Variants in SGIP1 observed in about 807,000 individuals in gnomAD.
The protein encoded by SGIP1 is SH3-containing GRB2-like protein 3-interacting protein 1.
A neutral mutation model predicts 107.5 loss-of-function variants in SGIP1; 38 were observed. That is an observed-to-expected ratio of 0.35 (90% CI 0.27 to 0.46). The LOEUF (loss-of-function observed/expected upper bound fraction) is 0.46. Among genes scored for constraint, SGIP1 ranks in the 20% least tolerant of loss-of-function variants. The probability of loss-of-function intolerance (pLI) is 1.00; values close to 1 mark genes in which losing one functional copy is unlikely to be tolerated. For synonymous variants in SGIP1, 365 were observed against 366.1 expected (o/e 1.00, Z 0.03); for missense variants, 929 against 1,019.5 (o/e 0.91, Z 1.21).
At chr1:66,537,324 C>A (rs1461057021) in intron 1 of SGIP1, among the ~76,000 whole-genome samples, 3 of 152,058 alleles carry the variant, frequency 2.0e-5, no homozygotes, top group Non-Finnish European at 4.4e-5. Flanking sequence ...AGATGATGAG[C>A]AAAGGGAATT....
intron 1 of SGIP1, among the ~76,000 whole-genome samples, chr1:66,589,767 G>A (rs988858310): frequency 2.0e-5 from 3 of 152,114 alleles, no homozygotes; most frequent in South Asian, 2.1e-4. Flanking sequence ...TCGTGGAAAT[G>A]TCTAGCTATT....
chr1:66,630,662 T>C (rs960075574), intron 2 of SGIP1, among the ~76,000 whole-genome samples: 1 of 150,368 alleles, frequency 6.7e-6, no homozygotes, highest in Non-Finnish European at 1.5e-5. Context: ...CAAAATTAGC[T>C]GGGCGTGGTG....
intron 9 of SGIP1, among the ~76,000 whole-genome samples, chr1:66,669,609 G>T (rs765260189): frequency 6.6e-6 from 1 of 152,092 alleles, no homozygotes; most frequent in Admixed American, 6.6e-5. Context: ...TTCCAAAAGC[G>T]AACCTGTATC....
At chr1:66,593,809 G>A (rs553969933) in intron 1 of SGIP1, among the ~76,000 whole-genome samples, 7 of 152,058 alleles carry the variant, frequency 4.6e-5, no homozygotes, top group South Asian at 2.1e-4. Flanking sequence ...GGCCCATTTC[G>A]GGTCCTCATT....
At chr1:66,717,265 A>G (rs2093300053) in intron 18 of SGIP1, among the ~76,000 whole-genome samples, 1 of 152,184 alleles carries the variant, frequency 6.6e-6, no homozygotes, top group Non-Finnish European at 1.5e-5. Flanking sequence ...TAGAGAAGCC[A>G]TTCTTCTCCA....
At chr1:66,691,004 T>TC (rs2089711360) in intron 17 of SGIP1, among the ~76,000 whole-genome samples, 1 of 152,188 alleles carries the variant, frequency 6.6e-6, no homozygotes, top group African/African-American at 2.4e-5. Flanking sequence ...TGGAGCATCA[T>TC]CCCCCTTTCC....
At chr1:66,635,330 C>T (rs2075570362) in intron 3 of SGIP1, among the ~76,000 whole-genome samples, 1 of 152,230 alleles carries the variant, frequency 6.6e-6, no homozygotes, top group Non-Finnish European at 1.5e-5. Flanking sequence ...GCATCCTAAC[C>T]TAGACACAAA....
chr1:66,588,365 T>A (rs1217171198), intron 1 of SGIP1, among the ~76,000 whole-genome samples: 1 of 149,408 alleles, frequency 6.7e-6, no homozygotes, highest in African/African-American at 2.5e-5. Flanking sequence ...TCCTTCAGCA[T>A]CTCTACCTGC....
At chr1:66,739,802 C>G (rs2094388151) in intron 22 of SGIP1, among the ~76,000 whole-genome samples, 1 of 152,230 alleles carries the variant, frequency 6.6e-6, no homozygotes, top group Non-Finnish European at 1.5e-5. Flanking sequence ...TGGCCTGCCA[C>G]AATCCCGGGA....
intron 1 of SGIP1, among the ~76,000 whole-genome samples, chr1:66,562,307 G>A (rs1465175254): frequency 6.6e-6 from 1 of 151,946 alleles, no homozygotes; most frequent in Non-Finnish European, 1.5e-5. Context: ...ATAGATATTA[G>A]AGGAAATTTT....
At chr1:66,540,716 A>G (rs10789208) in intron 1 of SGIP1, among the ~76,000 whole-genome samples, 38,614 of 152,098 alleles carry the variant, frequency 0.25, 5,511 homozygotes, top group African/African-American at 0.38. Flanking sequence ...TCAATGTGTT[A>G]GCTGATTTTA....
chr1:66,701,263 A>G (rs1027306641), intron 18 of SGIP1, among the ~76,000 whole-genome samples: 1 of 152,208 alleles, frequency 6.6e-6, no homozygotes, highest in Non-Finnish European at 1.5e-5. Flanking sequence ...AGCAATGGCT[A>G]TGCTAAATTC....
intron 21 of SGIP1, among the ~76,000 whole-genome samples, 185 bp from the exon 22 acceptor site, chr1:66,739,150 T>C (rs2094363062): frequency 6.6e-6 from 1 of 152,108 alleles, no homozygotes; most frequent in South Asian, 2.1e-4. Flanking sequence ...GAGACTCTAA[T>C]AGCTGCTTTC....
intron 19 of SGIP1, among the ~76,000 whole-genome samples, chr1:66,725,150 C>A (rs927800547): frequency 6.6e-6 from 1 of 152,080 alleles, no homozygotes; most frequent in East Asian, 1.9e-4. Context: ...TTCCAGAAAC[C>A]AAAAATCCCA....
At position 66,549,137 on chromosome 1, in the gene SGIP1, GCCTTCCTTCCTTCCTTCCTTCCTT is replaced by G. The variant is rs60834683; in HGVS notation, c.10+14808_10+14831del. ...GAGCTTAAGCTCCTTCTGGCTACCT[GCCTTCCTTCCTTCCTTCCTTCCTT>G]CCTTCCTTCCTTCCTTCCTTCCTTC... On this transcript the variant is annotated intron_variant, in intron 1 of 24. Transcript: ENST00000371037. Among the ~76,000 whole-genome samples the G allele has an allele frequency of 2.8e-4, 40 of 144,528 alleles. 1 individual carries two copies. Among genetic ancestry groups the G allele is most frequent in the African/African-American group, 6.4e-4 (25 of 39,196 alleles). The allele number at this position is 144,528 out of a possible 152,430, so 94.8% of individuals were successfully genotyped here. A position where few individuals can be genotyped will look rare whatever the true frequency, so the allele number is the denominator to read the frequency against.
At chr1:66,702,130 C>T (rs886893271) in intron 18 of SGIP1, among the ~76,000 whole-genome samples, 5 of 152,312 alleles carry the variant, frequency 3.3e-5, no homozygotes, top group African/African-American at 1.2e-4. Context: ...ATGTCATTCA[C>T]ACAACAGTCC....
At chr1:66,712,613 T>C (rs2092991774) in intron 18 of SGIP1, among the ~76,000 whole-genome samples, 1 of 152,168 alleles carries the variant, frequency 6.6e-6, no homozygotes, top group South Asian at 2.1e-4. Flanking sequence ...TTCTAAAAAG[T>C]CTCTTTCTCT....
At chr1:66,739,266 G>A in intron 21 of SGIP1, 69 bp from the exon 22 acceptor site, 1 of 1,517,588 alleles carries the variant, frequency 6.6e-7, no homozygotes, top group Non-Finnish European at 8.9e-7. Flanking sequence ...AACAACATAT[G>A]ACATTTTGTT....
At chr1:66,677,462 A>G (rs2085649090) in intron 13 of SGIP1, among the ~76,000 whole-genome samples, 1 of 152,244 alleles carries the variant, frequency 6.6e-6, no homozygotes, top group Non-Finnish European at 1.5e-5. Flanking sequence ...CAAGTCTAAT[A>G]CGGTCTCTGC....
Sources: allele counts gnomAD v4.1 joint callset (sites outside exome capture counted in the v4.1 genomes callset), GRCh38; gene constraint gnomAD v4.1.1; transcripts MANE v1.5; gene names NCBI Gene and HGNC (gene_info 2026-07-23, HGNC 2026-07-21).